Variants in MGAM2 observed in about 807,000 individuals in gnomAD.
MGAM2 encodes the protein probable maltase-glucoamylase 2.
A neutral mutation model predicts 96.1 loss-of-function variants in MGAM2; 98 were observed. The ratio of observed to expected loss-of-function variants is 1.02; its 90% confidence interval spans 0.87 to 1.21. The LOEUF is 1.21. Ranked by LOEUF, MGAM2 falls within the 50% of genes most tolerant of loss-of-function variation. The pLI is 0.00. For missense variants in MGAM2, 2,055 were observed against 1,182.4 expected, an observed-to-expected ratio of 1.74 and a Z score of -10.82; for synonymous variants, 749 against 414.8, an observed-to-expected ratio of 1.81 and a Z score of -9.79.
rs575693216 is a variant in MGAM2, at chr7:142,198,493, G to A, written c.4924-122G>A. The A allele has an allele frequency of 1.7e-5, 10 of 597,266 alleles. 1 individual carries two copies. The highest frequency in any genetic ancestry group is 1.5e-4 in the African/African-American group (8 of 53,996). 37.0% of individuals were successfully genotyped at this position (597,266 alleles called of 1,614,324 possible). A position where few individuals can be genotyped will look rare whatever the true frequency, so the allele number is the denominator to read the frequency against. ...GAAAGATCAGAGATTTTCTCTTTAG[G>A]TTTGCAGTCTTTTGCTGACTTTCTA... On this transcript the variant is annotated intron_variant, in intron 43 of 47. Coordinates refer to ENST00000477922, the MANE Select transcript of MGAM2 (RefSeq NM_001293626.2).
intron 28 of MGAM2, among the ~76,000 whole-genome samples, chr7:142,171,889 A>G (rs2129090677): frequency 6.6e-6 from 1 of 151,892 alleles, no homozygotes; most frequent in South Asian, 2.1e-4. Flanking sequence ...ATAATACATA[A>G]TTGAATTATA....
rs956992577 is a variant in MGAM2 at position 142,219,969 on chromosome 7, A to C, written c.5458A>C (p.Thr1820Pro). Residue 1820 changes from threonine (T) to proline (P), a missense_variant, in exon 48 of 48, where the codon ACA becomes CCA. Coordinates refer to ENST00000477922, the MANE Select transcript of MGAM2 (RefSeq NM_001293626.2). ...GGPVLPTPTK[T>P]STIPMSSHPS... ...TCCTGTACTTCCTACTCCAACTAAGACAAGTACCATCCCAATGAGTTCTCA... is the reference window on the plus strand; with the variant it reads ...TCCTGTACTTCCTACTCCAACTAAGCCAAGTACCATCCCAATGAGTTCTCA... The C allele has an allele frequency of 5.7e-6, 4 of 702,754 alleles. No individual in the cohort carries two copies. In the Admixed American group the frequency reaches 6.0e-5, roughly 11 times the overall value. 43.5% of individuals were successfully genotyped at this position (702,754 alleles called of 1,614,324 possible).
chr7:142,114,423 A>G (rs1031355274), intron 1 of MGAM2, among the ~76,000 whole-genome samples: 1 of 152,084 alleles, frequency 6.6e-6, no homozygotes, highest in Admixed American at 6.5e-5. Flanking sequence ...GAATGCAGAA[A>G]ACACAGCCAA....
At chr7:142,186,934 A>G (rs560663347) in intron 35 of MGAM2, among the ~76,000 whole-genome samples, 13 of 150,978 alleles carry the variant, frequency 8.6e-5, no homozygotes, top group African/African-American at 3.2e-4. Context: ...TGAGAATAAG[A>G]GATGCTGATA....
chr7:142,137,663 T>G, intron 9 of MGAM2, 118 bp downstream of exon 9: 1 of 461,182 alleles, frequency 2.2e-6, no homozygotes, highest in Non-Finnish European at 3.8e-6. Flanking sequence ...AATGCTGGGA[T>G]AGTGAGTCTT....
chr7:142,172,940 T>G (rs1796243824), intron 30 of MGAM2, among the ~76,000 whole-genome samples, 176 bp downstream of exon 30: 1 of 152,200 alleles, frequency 6.6e-6, no homozygotes, highest in Non-Finnish European at 1.5e-5. Flanking sequence ...CATATTAATA[T>G]CCCATGTGTC....
Position 142,197,424 on chromosome 7 carries a change from T to C in MGAM2, c.4657T>C (p.Ser1553Pro). ...TRRQDPVAWN[S>P]TFEMLSRKVL... ...GAGACAAGATCCTGTGGCCTGGAAT[T>C]CAACCTTTGAGATGTTGTCCAGAAA... The change falls in exon 41 of 48, where the codon TCA (serine) becomes CCA (proline). Residue 1553 changes from serine (S) to proline (P), a missense_variant. Transcript: ENST00000477922. 1 of 703,008 alleles carries C rather than the reference T, an allele frequency of 1.4e-6. No individual in the cohort carries two copies. The highest frequency in any genetic ancestry group is 2.7e-5 in the East Asian group (1 of 37,284). The allele number at this position is 703,008 out of a possible 1,614,324, so 43.5% of individuals were successfully genotyped here.
intron 23 of MGAM2, among the ~76,000 whole-genome samples, chr7:142,163,480 C>T (rs973426684): frequency 1.3e-5 from 2 of 152,128 alleles, no homozygotes; most frequent in Non-Finnish European, 1.5e-5. Context: ...TGAGGTTTCA[C>T]CGTGTTGGTC....
At position 142,167,632 on chromosome 7, in the gene MGAM2, G is replaced by A. The variant is rs115164528; in HGVS notation, c.3027+146G>A. ...CTGACACCCAGGCTGGAATGCAGGGGCACAATCTCAGGTCACTGTAACTTC... is the reference window on the plus strand; with the variant it reads ...CTGACACCCAGGCTGGAATGCAGGGACACAATCTCAGGTCACTGTAACTTC... On this transcript the variant is annotated intron_variant, in intron 26 of 47. Transcript: ENST00000477922. 2.3e-3 allele frequency: 1,441 copies of A among 620,126 alleles called. 17 individuals are homozygous for A. In the African/African-American group the frequency reaches 0.024, roughly 10 times the overall value. 38.4% of individuals were successfully genotyped at this position (620,126 alleles called of 1,614,324 possible).
At chr7:142,176,949 T>C (rs2129092607) in intron 32 of MGAM2, among the ~76,000 whole-genome samples, 1 of 152,346 alleles carries the variant, frequency 6.6e-6, no homozygotes, top group Middle Eastern at 3.4e-3. Context: ...ATATTTAAAT[T>C]CCTACAGGAT....
Position 142,170,079 on chromosome 7 carries a change from A to G in MGAM2, c.3032A>G (p.Tyr1011Cys), listed in dbSNP as rs1344862222. 5 of 701,220 alleles carry G rather than the reference A, an allele frequency of 7.1e-6. No homozygotes were observed. The highest frequency in any genetic ancestry group is 1.0e-5 in the Non-Finnish European group (4 of 384,472). 43.4% of individuals were successfully genotyped at this position (701,220 alleles called of 1,614,324 possible). ...HTATMLQVKI[Y>C]DPTNKRYEVP... ...TTTCTTCTCTCTTCTTGCCAGATCT[A>G]TGACCCCACTAATAAAAGGTATGAG... The change falls in exon 27 of 48, where the codon TAT becomes TGT. Residue 1011 changes from tyrosine to cysteine, a missense_variant. Coordinates refer to ENST00000477922, the MANE Select transcript of MGAM2 (RefSeq NM_001293626.2).
chr7:142,159,360 T>C lies in MGAM2; in HGVS notation c.2220+17T>C. ...TATGAGACAGTAAGTAAGGCAGCCC[T>C]GGTTGGCTCACAGACCTGCCTCTAG... On this transcript the variant is annotated intron_variant, in intron 20 of 47. Transcript: ENST00000477922. 1.4e-6 allele frequency: 1 copy of C among 702,250 alleles called. No homozygotes were observed. Among genetic ancestry groups the C allele is most frequent in the Non-Finnish European group, 2.6e-6 (1 of 384,406 alleles). The allele number at this position is 702,250 out of a possible 1,614,324, so 43.5% of individuals were successfully genotyped here.
chr7:142,177,038 G>T (rs1381646596), intron 32 of MGAM2, among the ~76,000 whole-genome samples: 1 of 152,104 alleles, frequency 6.6e-6, no homozygotes, highest in Admixed American at 6.5e-5. Flanking sequence ...GATTCAGTGT[G>T]TACATATGTA....
At chr7:142,128,908 G>A (rs1794802202) in intron 3 of MGAM2, among the ~76,000 whole-genome samples, 1 of 139,604 alleles carries the variant, frequency 7.2e-6, no homozygotes, top group Admixed American at 7.0e-5. Flanking sequence ...GTTGGGAGAA[G>A]AGGGCCACTG....
Position 142,167,406 on chromosome 7 carries a change from G to A in MGAM2, c.2947G>A (p.Ala983Thr), listed in dbSNP as rs73547304. 8.5e-3 allele frequency: 5,996 copies of A among 702,866 alleles called. 246 individuals carry two copies. The African/African-American group carries it at 0.091, about 11-fold the overall frequency. 43.5% of individuals were successfully genotyped at this position (702,866 alleles called of 1,614,324 possible). The change falls in exon 26 of 48, where the codon GCC (alanine) becomes ACC (threonine). Residue 983 changes from alanine to threonine, a missense_variant. Physicochemically the swap from Ala to Thr is moderately conservative, Grantham distance 58 (BLOSUM62 0). Transcript: ENST00000477922. ...PMAPESAAAA[A>T]SDSLSAKISF... ...GGCCCCTGAGTCAGCTGCTGCTGCC[G>A]CCTCTGATTCTCTCTCTGCAAAGAT...
intron 45 of MGAM2, 116 bp downstream of exon 45, chr7:142,200,084 A>G: frequency 2.0e-6 from 1 of 489,540 alleles, no homozygotes; most frequent in Non-Finnish European, 3.6e-6. Context: ...CAATAAGGCA[A>G]TAACATTTGG....
intron 6 of MGAM2, among the ~76,000 whole-genome samples, chr7:142,132,491 A>C (rs1002306601): frequency 7.2e-6 from 1 of 138,330 alleles, no homozygotes; most frequent in Non-Finnish European, 1.5e-5. Context: ...TCATAATTTA[A>C]AATTAAATTA....
At chr7:142,123,408 A>G (rs1182765188) in intron 3 of MGAM2, among the ~76,000 whole-genome samples, 1 of 152,170 alleles carries the variant, frequency 6.6e-6, no homozygotes, top group Admixed American at 6.5e-5. Context: ...AAGTATTTGT[A>G]TCAATTTGCA....
chr7:142,215,707 G>A (rs1198770216), intron 46 of MGAM2, among the ~76,000 whole-genome samples: 1 of 146,648 alleles, frequency 6.8e-6, no homozygotes, highest in Non-Finnish European at 1.5e-5. Flanking sequence ...GTGGTGAGCC[G>A]AGATCGCGCC....
Sources: allele counts gnomAD v4.1 joint callset (sites outside exome capture counted in the v4.1 genomes callset), GRCh38; gene constraint gnomAD v4.1.1; transcripts MANE v1.5; gene names NCBI Gene and HGNC (gene_info 2026-07-23, HGNC 2026-07-21).